The following WWOX variants were observed in gnomAD, a reference collection of about 807,000 sequenced individuals.
WWOX encodes the protein WW domain-containing oxidoreductase.
Under a neutral mutation model 46.2 loss-of-function variants are expected in WWOX, and 69 were observed. The ratio of observed to expected loss-of-function variants is 1.49; its 90% confidence interval spans 1.23 to 1.82. The LOEUF is 1.82. WWOX is among the 40% of genes most tolerant of loss of function. WWOX has a pLI of 0.00. For missense variants in WWOX, 919 were observed against 542.6 expected (o/e 1.69, Z -6.89); for synonymous variants, 359 against 202.6 (o/e 1.77, Z -6.56).
chr16:78,225,154 C>G (rs1202708840), intron 5 of WWOX, among the ~76,000 whole-genome samples: 1 of 152,134 alleles, frequency 6.6e-6, no homozygotes, highest in South Asian at 2.1e-4. Context: ...ACTACACATC[C>G]AGGCTATATG....
intron 8 of WWOX, among the ~76,000 whole-genome samples, chr16:78,716,735 A>G (rs1278379927): frequency 1.3e-5 from 2 of 152,118 alleles, no homozygotes; most frequent in East Asian, 3.9e-4. Context: ...TGGAACAGAA[A>G]AAAAAGCGTC....
intron 8 of WWOX, chr16:79,196,314 C>T (rs2051239173): frequency 6.6e-6 from 1 of 152,078 alleles, no homozygotes; most frequent in South Asian, 2.1e-4. Flanking sequence ...AATGAGAGAC[C>T]AAGTTGAAAA....
chr16:78,515,744 G>A (rs1198136823), intron 8 of WWOX, among the ~76,000 whole-genome samples: 2 of 152,170 alleles, frequency 1.3e-5, no homozygotes, highest in Non-Finnish European at 2.9e-5. Context: ...TGCGTGTTCA[G>A]CACTTCTGCA....
At chr16:78,832,824 A>C (rs1479634317) in intron 8 of WWOX, among the ~76,000 whole-genome samples, 1 of 152,034 alleles carries the variant, frequency 6.6e-6, no homozygotes, top group African/African-American at 2.4e-5. Context: ...TCATTACAGA[A>C]CTTCCCCCAA....
chr16:79,152,044 A>G (rs2050289764), intron 8 of WWOX, among the ~76,000 whole-genome samples: 1 of 152,200 alleles, frequency 6.6e-6, no homozygotes, highest in African/African-American at 2.4e-5. Flanking sequence ...GGAATCATAG[A>G]AGACCTTGAT....
At chr16:78,353,514 G>A (rs1448279896) in intron 5 of WWOX, among the ~76,000 whole-genome samples, 1 of 152,170 alleles carries the variant, frequency 6.6e-6, no homozygotes, top group Admixed American at 6.5e-5. Flanking sequence ...TTCTCCTCTA[G>A]CCAGTTGGGA....
At chr16:78,859,420 G>A (rs2052664648) in intron 8 of WWOX, among the ~76,000 whole-genome samples, 1 of 151,994 alleles carries the variant, frequency 6.6e-6, no homozygotes, top group Non-Finnish European at 1.5e-5. Flanking sequence ...ATCTTACCAG[G>A]AAGAACTGGG....
intron 8 of WWOX, among the ~76,000 whole-genome samples, chr16:79,141,228 C>G (rs1432819552): frequency 6.6e-6 from 1 of 152,200 alleles, no homozygotes; most frequent in Non-Finnish European, 1.5e-5. Context: ...TGGAAGCCCC[C>G]TCCTCATTTC....
chr16:78,533,162 G>C (rs995358997), intron 8 of WWOX, among the ~76,000 whole-genome samples: 1 of 148,176 alleles, frequency 6.7e-6, no homozygotes, highest in Admixed American at 6.6e-5. Flanking sequence ...GCTCAAGGAA[G>C]CTCCTGAGGC....
At chr16:78,696,693 G>T (rs1021606884) in intron 8 of WWOX, among the ~76,000 whole-genome samples, 1 of 151,882 alleles carries the variant, frequency 6.6e-6, no homozygotes, top group South Asian at 2.1e-4. Context: ...TTTGGGGGGG[G>T]TACAGGTGGT....
chr16:78,158,058 A>G (rs1183487038), intron 4 of WWOX, among the ~76,000 whole-genome samples: 3 of 152,186 alleles, frequency 2.0e-5, no homozygotes, highest in Non-Finnish European at 4.4e-5. Flanking sequence ...ACGTGCTTAG[A>G]ACTGGCAGCA....
At chr16:78,139,109 C>T (rs569662686) in intron 4 of WWOX, among the ~76,000 whole-genome samples, 18 of 152,110 alleles carry the variant, frequency 1.2e-4, no homozygotes, top group African/African-American at 3.4e-4. Flanking sequence ...GTCATTGGGT[C>T]ATGTCCTAGG....
intron 8 of WWOX, among the ~76,000 whole-genome samples, chr16:78,775,438 A>G (rs907808208): frequency 6.6e-6 from 1 of 151,832 alleles, no homozygotes; most frequent in Non-Finnish European, 1.5e-5. Context: ...TGGCTTGTCT[A>G]CTCCAAGAAC....
At chr16:78,768,266 G>A (rs2049974386) in intron 8 of WWOX, among the ~76,000 whole-genome samples, 1 of 126,538 alleles carries the variant, frequency 7.9e-6, no homozygotes, top group Non-Finnish European at 1.6e-5. Context: ...AAGCCAAAAA[G>A]TGATAGATGA....
At chr16:79,115,709 A>T (rs961475047) in intron 8 of WWOX, among the ~76,000 whole-genome samples, 1 of 152,194 alleles carries the variant, frequency 6.6e-6, no homozygotes, top group Non-Finnish European at 1.5e-5. Flanking sequence ...TGCACTTTTA[A>T]ATAAGAGAAA....
Position 78,934,249 on chromosome 16 carries a change from A to G in WWOX, c.1057-277359A>G, listed in dbSNP as rs899347160. On this transcript the variant is annotated intron_variant, in intron 8 of 8. Coordinates refer to ENST00000566780, the MANE Select transcript of WWOX (RefSeq NM_016373.4). ...GCTACTCGGGAGGCTGAGGCAGGAGAATGGCGTGAACCCAGGAGGCGGATC... is the reference window on the plus strand; with the variant it reads ...GCTACTCGGGAGGCTGAGGCAGGAGGATGGCGTGAACCCAGGAGGCGGATC... Among the ~76,000 whole-genome samples the G allele has an allele frequency of 5.3e-5, 8 of 150,278 alleles. No homozygotes were observed. In the South Asian group the frequency reaches 1.3e-3, roughly 24 times the overall value.
intron 3 of WWOX, among the ~76,000 whole-genome samples, chr16:78,112,572 C>T (rs895168393): frequency 1.4e-4 from 22 of 151,776 alleles, no homozygotes; most frequent in African/African-American, 4.8e-4. Flanking sequence ...GTGGGAGTGC[C>T]TATTATTTGT....
chr16:79,083,471 G>C (rs2048798641), intron 8 of WWOX, among the ~76,000 whole-genome samples: 1 of 152,142 alleles, frequency 6.6e-6, no homozygotes, highest in Admixed American at 6.5e-5. Flanking sequence ...TAAGATTTTG[G>C]AGGTATCGGC....
chr16:79,128,359 G>A, intron 8 of WWOX, among the ~76,000 whole-genome samples: 1 of 149,324 alleles, frequency 6.7e-6, no homozygotes. Flanking sequence ...ATAGGTCTTA[G>A]AAGTGTGAAA....
Sources: allele counts gnomAD v4.1 joint callset (sites outside exome capture counted in the v4.1 genomes callset), GRCh38; gene constraint gnomAD v4.1.1; transcripts MANE v1.5; gene names NCBI Gene and HGNC (gene_info 2026-07-23, HGNC 2026-07-21).